The following TVP23C variants were observed in gnomAD, a reference collection of about 807,000 sequenced individuals.
The protein encoded by TVP23C is trans-golgi network vesicle protein 23 homolog C, also known as Golgi apparatus membrane protein TVP23 homolog C.
Under a neutral mutation model 28.7 loss-of-function variants are expected in TVP23C, and 19 were observed. The observed-to-expected ratio is 0.66, with a 90% confidence interval of 0.46 to 0.97. The LOEUF (loss-of-function observed/expected upper bound fraction) is 0.97, where lower values mean the gene tolerates loss of function less well. Among genes scored for constraint, TVP23C ranks in the 50% least tolerant of loss-of-function variants. TVP23C has a pLI of 0.00. For synonymous variants in TVP23C, 68 were observed against 81.7 expected (o/e 0.83, Z 0.90); for missense variants, 186 against 241.3 (o/e 0.77, Z 1.52).
At position 15,563,157 on chromosome 17, in the gene TVP23C, G is replaced by A. The variant is rs1026019304; in HGVS notation, c.12+280C>T. The A allele has an allele frequency of 1.8e-5, 9 of 508,722 alleles. No homozygotes were observed. The African/African-American group carries it at 1.8e-4, about 10-fold the overall frequency. 31.5% of individuals were successfully genotyped at this position (508,722 alleles called of 1,614,324 possible). ...CCTCAACTCCACCCCGGCAATAAGG[G>A]TTGAGGAAAGAGAGACCCCCACTCG... On this transcript the variant is annotated intron_variant, in intron 1 of 5. Coordinates refer to ENST00000518321, the MANE Select transcript of TVP23C (RefSeq NM_001135036.2).
chr17:15,502,295 G>C (rs919406916), exon 6 of TVP23C: 1 of 77,696 alleles, frequency 1.3e-5, no homozygotes, highest in Non-Finnish European at 3.1e-5. Flanking sequence ...AATGGGGGGT[G>C]GGGGGGCACA....
Position 15,563,460 on chromosome 17 carries a change from G to T in TVP23C, c.-12C>A. On this transcript the variant is annotated 5_prime_UTR_variant, in exon 1 of 6. Transcript: ENST00000518321. ...ACCTGCTGCAACATGGCGGCCCTAC[G>T]CCAGCCCTGCTTCCAGGAGCCACGT... 1.3e-6 allele frequency: 2 copies of T among 1,584,462 alleles called. No individual in the cohort carries two copies. Among genetic ancestry groups the T allele is most frequent in the Admixed American group, 1.8e-5 (1 of 56,268 alleles).
At position 15,538,351 on chromosome 17, in the gene TVP23C, G is replaced by A. The variant is rs941198345; in HGVS notation, c.*2061C>T. 8.9e-5 allele frequency: 78 copies of A among 877,158 alleles called. No individual in the cohort carries two copies. The South Asian group carries it at 2.0e-3, about 22-fold the overall frequency. 54.3% of individuals were successfully genotyped at this position (877,158 alleles called of 1,614,324 possible). A position where few individuals can be genotyped will look rare whatever the true frequency, so the allele number is the denominator to read the frequency against. On this transcript the variant is annotated 3_prime_UTR_variant, in exon 6 of 6. Coordinates refer to ENST00000518321, the MANE Select transcript of TVP23C (RefSeq NM_001135036.2). ...TACACCTGTAATCCCAGCACTTTGGGAGGCCGAGGAGGGTGGATCATGAGG... is the reference window on the plus strand; with the variant it reads ...TACACCTGTAATCCCAGCACTTTGGAAGGCCGAGGAGGGTGGATCATGAGG...
chr17:15,546,314 A>G (rs955509149), intron 4 of TVP23C, among the ~76,000 whole-genome samples: 43 of 151,924 alleles, frequency 2.8e-4, no homozygotes, highest in South Asian at 1.7e-3. Flanking sequence ...CCAGAGGGGA[A>G]AAAAAAAACG....
rs533128914 is a variant in TVP23C at position 15,538,538 on chromosome 17, C to T, written c.*1874G>A. ...CCGGGAGGTGGAGTTTGCAGTGAGC[C>T]GAGATCGCGCCACTGCACTCCAGCC... On this transcript the variant is annotated 3_prime_UTR_variant, in exon 6 of 6. Transcript: ENST00000518321. 1 of 904,424 alleles carries T rather than the reference C, an allele frequency of 1.1e-6. No individual in the cohort carries two copies. Among genetic ancestry groups the T allele is most frequent in the South Asian group, 5.1e-5 (1 of 19,738 alleles). The allele number at this position is 904,424 out of a possible 1,614,324, so 56.0% of individuals were successfully genotyped here.
chr17:15,508,792 C>T (rs907884781), intron 5 of TVP23C, among the ~76,000 whole-genome samples: 3 of 152,180 alleles, frequency 2.0e-5, no homozygotes, highest in Non-Finnish European at 2.9e-5. Context: ...TGTCTCTTAT[C>T]GCTATTTCCT....
chr17:15,553,340 A>T (rs1983978480), intron 3 of TVP23C, among the ~76,000 whole-genome samples: 1 of 151,916 alleles, frequency 6.6e-6, no homozygotes, highest in Non-Finnish European at 1.5e-5. Flanking sequence ...CAACACACCT[A>T]CAGGTAAGCC....
chr17:15,528,911 T>C (rs753686736), intron 5 of TVP23C, among the ~76,000 whole-genome samples: 81 of 152,228 alleles, frequency 5.3e-4, no homozygotes, highest in Middle Eastern at 3.4e-3. Flanking sequence ...TTAGTTTGTT[T>C]ATAGTGCTTT....
At chr17:15,503,404 T>C in intron 5 of TVP23C, 1 of 831,650 alleles carries the variant, frequency 1.2e-6, no homozygotes, top group South Asian at 2.2e-5. Flanking sequence ...GACCATGATA[T>C]TTCAAGAAAA....
intron 5 of TVP23C, among the ~76,000 whole-genome samples, chr17:15,542,744 G>C (rs1983472397): frequency 6.6e-6 from 1 of 152,182 alleles, no homozygotes; most frequent in African/African-American, 2.4e-5. Flanking sequence ...CCAAAGTGCT[G>C]GGATTACAGG....
At position 15,551,355 on chromosome 17, in the gene TVP23C, C is replaced by T. The variant is rs538142326; in HGVS notation, c.240+2330G>A. Among the ~76,000 whole-genome samples the T allele has an allele frequency of 1.4e-3, 208 of 151,896 alleles. 1 individual carries two copies. The highest frequency in any genetic ancestry group is 4.6e-3 in the African/African-American group (190 of 41,412). ...TCTCCTGACCTCATGATCCACCCGC[C>T]TCAGCCTCCCAAAGTGCTGGGATTA... On this transcript the variant is annotated intron_variant, in intron 3 of 5. Coordinates refer to ENST00000518321, the MANE Select transcript of TVP23C (RefSeq NM_001135036.2).
chr17:15,526,966 G>GT (rs1982755943), intron 5 of TVP23C, among the ~76,000 whole-genome samples: 1 of 152,174 alleles, frequency 6.6e-6, no homozygotes, highest in Non-Finnish European at 1.5e-5. Context: ...TTGGTTTGAA[G>GT]TAAGTTCCTG....
chr17:15,518,784 G>GATGAAGGTTTTCCA (rs1235370866), intron 5 of TVP23C, among the ~76,000 whole-genome samples: 1 of 152,160 alleles, frequency 6.6e-6, no homozygotes, highest in African/African-American at 2.4e-5. Context: ...GAGAACACTA[G>GATGAAGGTTTTCCA]ATGAAGGTTT....
At chr17:15,561,096 A>T (rs1234465246) in intron 1 of TVP23C, among the ~76,000 whole-genome samples, 2 of 152,240 alleles carry the variant, frequency 1.3e-5, no homozygotes, top group Admixed American at 1.3e-4. Context: ...ATAAATAGGC[A>T]GCTAGTGTGA....
chr17:15,518,167 C>CAAA (rs895582466), intron 5 of TVP23C, among the ~76,000 whole-genome samples: 86 of 54,056 alleles, frequency 1.6e-3, no homozygotes, highest in Non-Finnish European at 2.0e-3. Context: ...GACTCCATCT[C>CAAA]AAAAAAAAAA....
chr17:15,558,462 C>T (rs528394860), intron 1 of TVP23C, among the ~76,000 whole-genome samples: 69 of 146,378 alleles, frequency 4.7e-4, no homozygotes, highest in African/African-American at 1.7e-3. Context: ...ATTTACTTGG[C>T]AAAAAGAATT....
intron 5 of TVP23C, among the ~76,000 whole-genome samples, chr17:15,509,799 GT>G (rs780563478): frequency 7.2e-5 from 11 of 152,186 alleles, no homozygotes; most frequent in Non-Finnish European, 1.6e-4. Context: ...GATGCTCCAG[GT>G]TAGAAGGAAG....
In TVP23C at chr17:15,545,884, C is replaced by T. The variant is rs773142763; in HGVS notation, c.363G>A (p.Glu121=). 6 of 1,614,080 alleles carry T rather than the reference C, an allele frequency of 3.7e-6. No homozygotes were observed. In the South Asian group the frequency reaches 6.6e-5, roughly 18 times the overall value. Residue 121 remains glutamate (E), a synonymous_variant, in exon 5 of 6, where the codon GAG becomes GAA. Coordinates refer to ENST00000518321, the MANE Select transcript of TVP23C (RefSeq NM_001135036.2). ...ESSQENKTVS[E]AESRIFWLGL... ...CCAACCAAAAGATTCTTGATTCAGC[C>T]TCTGACACAGTTTTATTCTCTTGAG...
At chr17:15,557,296 T>TG (rs1219316508) in intron 1 of TVP23C, among the ~76,000 whole-genome samples, 1 of 146,268 alleles carries the variant, frequency 6.8e-6, no homozygotes, top group African/African-American at 2.5e-5. Flanking sequence ...CAAGGTTTTT[T>TG]TTTTTTTTTT....
Sources: gnomAD v4.1 joint callset for allele counts (sites outside exome capture counted in the v4.1 genomes callset) on GRCh38, gnomAD v4.1.1 for gene constraint, MANE v1.5 for transcripts, NCBI Gene and HGNC (gene_info 2026-07-23, HGNC 2026-07-21) for gene names.